The following GPR39 variants were observed in gnomAD, a reference collection of about 807,000 sequenced individuals.
The protein encoded by GPR39 is G protein-coupled receptor 39, also known as zinc sensing receptor.
A neutral mutation model predicts 18.4 loss-of-function variants in GPR39; 23 were observed. The ratio of observed to expected loss-of-function variants is 1.25; its 90% CI spans 0.90 to 1.77. The LOEUF is 1.77. GPR39 is among the 40% of genes most tolerant of loss of function. The pLI, the probability that GPR39 is intolerant of heterozygous loss-of-function variation, is 0.00. For missense variants in GPR39, 647 were observed against 602.4 expected (o/e 1.07, Z -0.78); for synonymous variants, 280 against 257.9 (o/e 1.09, Z -0.82).
chr2:132,458,851 G>A (rs915783762), intron 1 of GPR39, among the ~76,000 whole-genome samples: 4 of 151,994 alleles, frequency 2.6e-5, no homozygotes, highest in Non-Finnish European at 5.9e-5. Context: ...TTATAGAGCT[G>A]TTCACAATGC....
chr2:132,531,955 C>G lies in GPR39; in HGVS notation c.857-113146C>G, dbSNP rs573098290. On this transcript the variant is annotated intron_variant, in intron 1 of 1. Transcript: ENST00000329321. ...ATTAAAAGAACTAGAGAAGCAAGAGCAAACACATTCAAAAACTAGCAGAAG... is the reference window on the plus strand; with the variant it reads ...ATTAAAAGAACTAGAGAAGCAAGAGGAAACACATTCAAAAACTAGCAGAAG... 8.5e-5 allele frequency among the ~76,000 whole-genome samples: 13 copies of G among 152,190 alleles called. No individual in the cohort carries two copies. In the East Asian group the frequency reaches 2.3e-3, roughly 27 times the overall value.
intron 1 of GPR39, among the ~76,000 whole-genome samples, chr2:132,620,593 G>A (rs1308279377): frequency 1.3e-5 from 2 of 152,116 alleles, no homozygotes; most frequent in Non-Finnish European, 2.9e-5. Context: ...GGCCTGGCAT[G>A]AGGAGTCCTG....
At chr2:132,421,561 G>A (rs960229959) in intron 1 of GPR39, among the ~76,000 whole-genome samples, 1 of 152,180 alleles carries the variant, frequency 6.6e-6, no homozygotes, top group Non-Finnish European at 1.5e-5. Flanking sequence ...CAGAAGGAAA[G>A]GGAAGAAGTT....
At position 132,603,606 on chromosome 2, in the gene GPR39, A is replaced by G. The variant is rs116516301; in HGVS notation, c.857-41495A>G. ...CTGATTTGATCATTACATACTATAT[A>G]CATGTACTGAACTATCACTCTGTAT... On this transcript the variant is annotated intron_variant, in intron 1 of 1. Transcript: ENST00000329321. Among the ~76,000 whole-genome samples, 1,057 of 150,320 alleles carry G rather than the reference A, an allele frequency of 7.0e-3. 11 individuals carry two copies. Among genetic ancestry groups the G allele is most frequent in the African/African-American group, 0.025 (990 of 39,662 alleles).
intron 1 of GPR39, among the ~76,000 whole-genome samples, chr2:132,546,839 C>CAAAAAAAAAAAAAAAAAAAAAAAA (rs60267293): frequency 8.8e-5 from 3 of 33,974 alleles, no homozygotes; most frequent in African/African-American, 1.8e-4. Flanking sequence ...AGCTCCACAG[C>CAAAAAAAAAAAAAAAAAAAAAAAA]AAAAAAAAAA....
intron 1 of GPR39, among the ~76,000 whole-genome samples, chr2:132,479,137 A>G (rs1417713762): frequency 2.0e-5 from 3 of 152,232 alleles, no homozygotes; most frequent in Non-Finnish European, 2.9e-5. Context: ...TAAAGTGTTG[A>G]ACCCTTTATT....
At chr2:132,542,099 C>T (rs537494098) in intron 1 of GPR39, among the ~76,000 whole-genome samples, 3 of 152,228 alleles carry the variant, frequency 2.0e-5, no homozygotes, top group Admixed American at 6.5e-5. Context: ...CTTCCTAATA[C>T]CATTGAATTG....
At chr2:132,582,688 A>G (rs73955703) in intron 1 of GPR39, among the ~76,000 whole-genome samples, 3,015 of 152,270 alleles carry the variant, frequency 0.02, 107 homozygotes, top group African/African-American at 0.068. Flanking sequence ...CCCAGCAGGG[A>G]GAGCACTGTG....
intron 1 of GPR39, among the ~76,000 whole-genome samples, chr2:132,461,779 G>A (rs1680836748): frequency 1.3e-5 from 2 of 152,172 alleles, no homozygotes; most frequent in Admixed American, 6.5e-5. Context: ...ATAAGTATCT[G>A]TCAAGCACCT....
chr2:132,515,605 A>G (rs1177743946), intron 1 of GPR39, among the ~76,000 whole-genome samples: 5 of 152,140 alleles, frequency 3.3e-5, no homozygotes, highest in African/African-American at 1.2e-4. Flanking sequence ...GGTCACTCTG[A>G]TCTTCTTCCT....
At chr2:132,493,411 TATATATACACACGCC>T (rs1198647263) in intron 1 of GPR39, among the ~76,000 whole-genome samples, 1 of 142,288 alleles carries the variant, frequency 7.0e-6, no homozygotes, top group Admixed American at 7.0e-5. Context: ...ATATATACAC[TATATATACACACGCC>T]ATATATACAC....
chr2:132,440,810 G>C (rs1680423945), intron 1 of GPR39, among the ~76,000 whole-genome samples: 1 of 152,172 alleles, frequency 6.6e-6, no homozygotes, highest in African/African-American at 2.4e-5. Flanking sequence ...GGCTAAAGTG[G>C]CTCAGTTGCA....
At chr2:132,435,312 C>T (rs1411426228) in intron 1 of GPR39, among the ~76,000 whole-genome samples, 1 of 152,014 alleles carries the variant, frequency 6.6e-6, no homozygotes, top group Non-Finnish European at 1.5e-5. Context: ...TCGTTCTCCT[C>T]AGCCTATTCA....
intron 1 of GPR39, among the ~76,000 whole-genome samples, chr2:132,476,026 C>T (rs1264945646): frequency 6.6e-6 from 1 of 152,026 alleles, no homozygotes; most frequent in African/African-American, 2.4e-5. Context: ...TTAGCAGCAG[C>T]AGAGGGATTC....
chr2:132,525,467 G>A (rs1322025496), intron 1 of GPR39, among the ~76,000 whole-genome samples: 1 of 152,172 alleles, frequency 6.6e-6, no homozygotes, highest in Non-Finnish European at 1.5e-5. Context: ...CATCATTTGC[G>A]GTGATGCATG....
chr2:132,587,118 G>A (rs1333196168), intron 1 of GPR39, among the ~76,000 whole-genome samples: 1 of 152,200 alleles, frequency 6.6e-6, no homozygotes, highest in Non-Finnish European at 1.5e-5. Flanking sequence ...AAAAGCTTTG[G>A]TTCCAGAGAG....
Position 132,492,926 on chromosome 2 carries a change from TACACCATATATAC to T in GPR39, c.856+75044_856+75056del, listed in dbSNP as rs1314763153. On this transcript the variant is annotated intron_variant, in intron 1 of 1. Transcript: ENST00000329321. Reference sequence around the variant, plus strand: ...ATATATACACCATATACCATATATATACACCATATATACACACCATATATACACCATATATATA... The same window carrying T: ...ATATATACACCATATACCATATATATACACCATATATACACCATATATATA... Among the ~76,000 whole-genome samples the T allele has an allele frequency of 6.3e-5, 9 of 143,560 alleles. No individual in the cohort carries two copies. In the South Asian group the frequency reaches 6.7e-4, roughly 11 times the overall value. The allele number at this position is 143,560 out of a possible 152,430, so 94.2% of individuals were successfully genotyped here. A position where few individuals can be genotyped will look rare whatever the true frequency, so the allele number is the denominator to read the frequency against.
chr2:132,542,924 T>C (rs1260628169), intron 1 of GPR39, among the ~76,000 whole-genome samples: 1 of 152,178 alleles, frequency 6.6e-6, no homozygotes, highest in Non-Finnish European at 1.5e-5. Context: ...CAGCCAGTTG[T>C]GTGCAGCTCA....
At chr2:132,456,093 A>C (rs1680723098) in intron 1 of GPR39, among the ~76,000 whole-genome samples, 1 of 152,108 alleles carries the variant, frequency 6.6e-6, no homozygotes, top group Non-Finnish European at 1.5e-5. Context: ...AAAGTCTCCA[A>C]TTATTGTATG....
Sources: allele counts gnomAD v4.1 joint callset (sites outside exome capture counted in the v4.1 genomes callset), GRCh38; gene constraint gnomAD v4.1.1; transcripts MANE v1.5; gene names NCBI Gene and HGNC (gene_info 2026-07-23, HGNC 2026-07-21).